Variants in VIRMA observed in about 807,000 individuals in gnomAD.
The protein encoded by VIRMA is protein virilizer homolog.
In VIRMA, 65 loss-of-function variants were observed where a neutral mutation model predicts 182.4. That is an observed-to-expected ratio of 0.36 (90% CI 0.29 to 0.44). The LOEUF (loss-of-function observed/expected upper bound fraction) is 0.44, where lower values mean the gene tolerates loss of function less well. Ranked by LOEUF, VIRMA falls within the 20% of genes least tolerant of loss-of-function variation. VIRMA has a pLI of 1.00. For missense variants in VIRMA, 1,752 were observed against 2,158.1 expected (o/e 0.81, Z 3.73); for synonymous variants, 709 against 743.1 (o/e 0.95, Z 0.75).
intron 1 of VIRMA, among the ~76,000 whole-genome samples, chr8:94,549,164 T>G (rs554626505): frequency 2.1e-4 from 32 of 152,370 alleles, no homozygotes; most frequent in African/African-American, 7.0e-4. Context: ...TCTTCTGAAC[T>G]CAGTGGATTG....
Position 94,512,006 on chromosome 8 carries a change from A to G in VIRMA, c.2835T>C (p.Pro945=). The G allele has an allele frequency of 6.6e-7, 1 of 1,522,700 alleles. No homozygotes were observed. The highest frequency in any genetic ancestry group is 8.8e-7 in the Non-Finnish European group (1 of 1,131,808). 94.3% of individuals were successfully genotyped at this position (1,522,700 alleles called of 1,614,324 possible). The change falls in exon 12 of 24, where the codon CCT becomes CCC. Residue 945 remains proline, a synonymous_variant. Transcript: ENST00000297591. ...CAGTAGCCACATTACCTTCAACAGG[A>G]GGTGGTGGGCATGCAACATTACAGA... ...RVLCNVACPP[P]PVEGQQKDLK...
At chr8:94,537,434 C>T (rs1815382613) in intron 3 of VIRMA, among the ~76,000 whole-genome samples, 2 of 152,014 alleles carry the variant, frequency 1.3e-5, no homozygotes, top group Admixed American at 6.6e-5. Context: ...AGAACCACTG[C>T]ATTACAGTCA....
Position 94,526,403 on chromosome 8 carries a change from A to G in VIRMA, c.1841T>C (p.Leu614Ser). The G allele has an allele frequency of 6.2e-7, 1 of 1,614,014 alleles. No homozygotes were observed. Among genetic ancestry groups the G allele is most frequent in the East Asian group, 2.2e-5 (1 of 44,882 alleles). ...EVEASMDMDLLESSNISEGEI... is the reference protein window; with the variant it reads ...EVEASMDMDLSESSNISEGEI... Reference sequence around the variant, plus strand: ...CCCTTCACTTATATTTGAGGATTCCAAAAGATCCATATCCATAGAAGCTTC... The same window carrying G: ...CCCTTCACTTATATTTGAGGATTCCGAAAGATCCATATCCATAGAAGCTTC... Residue 614 changes from leucine to serine, a missense_variant, in exon 8 of 24, where the codon TTG becomes TCG. Transcript: ENST00000297591.
chr8:94,534,836 C>T lies in VIRMA; in HGVS notation c.484+3G>A. On this transcript the variant is annotated splice_donor_region_variant and intron_variant, in intron 5 of 23. Transcript: ENST00000297591. ...CTTGCAAAAGCAAATTTAAAATTCT[C>T]ACCATGTTTTGGATTCCTTTTCAAA... The T allele has an allele frequency of 1.4e-5, 22 of 1,609,360 alleles. No homozygotes were observed. The highest frequency in any genetic ancestry group is 1.9e-5 in the Non-Finnish European group (22 of 1,178,842).
At chr8:94,518,610 G>C (rs1028688890) in intron 9 of VIRMA, among the ~76,000 whole-genome samples, 1 of 152,184 alleles carries the variant, frequency 6.6e-6, no homozygotes, top group Non-Finnish European at 1.5e-5. Context: ...TCTGAATCCA[G>C]AGCATGGTTT....
Position 94,491,867 on chromosome 8 carries a change from A to G in VIRMA, c.4851T>C (p.Val1617=). The G allele has an allele frequency of 6.2e-7, 1 of 1,611,548 alleles. No homozygotes were observed. ...EYIEPAKRAH[V]VPPPRGRGRG... The stretch of plus-strand genomic sequence containing the variant: ...TGCCCCTTCCTCTTGGTGGTGGCAC[A>G]ACATGAGCTCTTTTGGCAGGTTCAA... Residue 1617 remains valine, a synonymous_variant, in exon 22 of 24, where the codon GTT becomes GTC. Coordinates refer to ENST00000297591, the MANE Select transcript of VIRMA (RefSeq NM_015496.5).
chr8:94,534,706 T>A, intron 5 of VIRMA, 133 bp downstream of exon 5: 2 of 896,824 alleles, frequency 2.2e-6, no homozygotes, highest in Non-Finnish European at 3.3e-6. Context: ...CCTCCCTCTC[T>A]CCCCCTCTCT....
intron 11 of VIRMA, among the ~76,000 whole-genome samples, chr8:94,513,783 A>G (rs1814455822): frequency 6.6e-6 from 1 of 152,192 alleles, no homozygotes. Context: ...CTAAATTTAC[A>G]GGATATTAAT....
At chr8:94,518,050 A>G (rs1361216356) in intron 9 of VIRMA, 108 bp from the exon 10 acceptor site, 11 of 705,118 alleles carry the variant, frequency 1.6e-5, no homozygotes, top group Non-Finnish European at 2.3e-5. Context: ...GACATTTACA[A>G]TAAAACATGA....
At chr8:94,548,374 C>A (rs1271759509) in intron 1 of VIRMA, among the ~76,000 whole-genome samples, 1 of 151,028 alleles carries the variant, frequency 6.6e-6, no homozygotes, top group East Asian at 1.9e-4. Flanking sequence ...CGGGTGTATA[C>A]ATTTAAGCAT....
chr8:94,537,491 T>C (rs143674465), intron 3 of VIRMA, among the ~76,000 whole-genome samples: 1 of 152,282 alleles, frequency 6.6e-6, no homozygotes, highest in African/African-American at 2.4e-5. Context: ...GCACCTGTTT[T>C]TATTAAGTAG....
intron 17 of VIRMA, 120 bp from the exon 18 acceptor site, chr8:94,496,600 C>T (rs567189160): frequency 5.2e-6 from 4 of 773,108 alleles, no homozygotes; most frequent in African/African-American, 1.8e-5. Flanking sequence ...TTCATTTTTA[C>T]ATCAGTACAA....
chr8:94,498,659 A>T (rs925660067), intron 17 of VIRMA: 1 of 152,248 alleles, frequency 6.6e-6, no homozygotes, highest in African/African-American at 2.4e-5. Context: ...GTTTCTAGAG[A>T]CAGAGTTTTG....
At chr8:94,494,451 G>A (rs1813701272) in intron 20 of VIRMA, among the ~76,000 whole-genome samples, 1 of 151,648 alleles carries the variant, frequency 6.6e-6, no homozygotes, top group Non-Finnish European at 1.5e-5. Context: ...AATTAGCCAG[G>A]CGTGGTGGCA....
intron 6 of VIRMA, 76 bp downstream of exon 6, chr8:94,530,887 T>A: frequency 4.0e-6 from 6 of 1,509,256 alleles, no homozygotes; most frequent in Non-Finnish European, 5.4e-6. Flanking sequence ...GGCAACAGAG[T>A]GAGACCATCT....
At position 94,511,637 on chromosome 8, in the gene VIRMA, T is replaced by C; in HGVS notation, c.2938A>G (p.Asn980Asp). The stretch of plus-strand genomic sequence containing the variant: ...CTCCAAGGCTGAGTCAGAATACTGT[T>C]CAATTTTTGCAGAACTCGAATAAAC... ...DTFIRVLQKL[N>D]SILTQPWRLH... The change falls in exon 13 of 24, where the codon AAC becomes GAC. Residue 980 changes from asparagine (N) to aspartate (D), a missense_variant. Coordinates refer to ENST00000297591, the MANE Select transcript of VIRMA (RefSeq NM_015496.5). 6.2e-7 allele frequency: 1 copy of C among 1,614,164 alleles called. No homozygotes were observed. The highest frequency in any genetic ancestry group is 8.5e-7 in the Non-Finnish European group (1 of 1,180,016).
At position 94,527,001 on chromosome 8, in the gene VIRMA, A is replaced by T. The variant is rs779902661; in HGVS notation, c.1243T>A (p.Leu415Ile). 1.9e-6 allele frequency: 3 copies of T among 1,614,196 alleles called. No individual in the cohort carries two copies. The highest frequency in any genetic ancestry group is 2.5e-6 in the Non-Finnish European group (3 of 1,180,016). Residue 415 changes from leucine to isoleucine, a missense_variant, in exon 8 of 24, where the codon TTA becomes ATA. Coordinates refer to ENST00000297591, the MANE Select transcript of VIRMA (RefSeq NM_015496.5). ...EEIPSLIIKG[L>I]SYLQLKNTKQ... ...GTGTTTTTCAATTGCAAATAGCTTAACCCTTTTATTATTAAACTTGGAATT... is the reference window on the plus strand; with the variant it reads ...GTGTTTTTCAATTGCAAATAGCTTATCCCTTTTATTATTAAACTTGGAATT...
intron 18 of VIRMA, 34 bp from the exon 19 acceptor site, chr8:94,495,925 A>C: frequency 6.3e-7 from 1 of 1,592,196 alleles, no homozygotes. Context: ...AAGAAGGTGC[A>C]GGTAAAACTT....
intron 8 of VIRMA, among the ~76,000 whole-genome samples, chr8:94,523,444 C>T (rs1814843268): frequency 6.6e-6 from 1 of 152,196 alleles, no homozygotes; most frequent in African/African-American, 2.4e-5. Context: ...CAGTCTCACT[C>T]TGCTGCCCAG....
Sources: gnomAD v4.1 joint callset for allele counts (sites outside exome capture counted in the v4.1 genomes callset) on GRCh38, gnomAD v4.1.1 for gene constraint, MANE v1.5 for transcripts, NCBI Gene and HGNC (gene_info 2026-07-23, HGNC 2026-07-21) for gene names.